Variants in PCNT observed in about 807,000 individuals in gnomAD.
The protein encoded by PCNT is kendrin.
Under a neutral mutation model 380.4 loss-of-function variants are expected in PCNT, and 319 were observed. That is an observed-to-expected ratio of 0.84 (90% CI 0.77 to 0.92). PCNT has a LOEUF of 0.92. Among genes scored for constraint, PCNT ranks in the 40% least tolerant of loss-of-function variants. PCNT has a pLI of 0.00. For synonymous variants in PCNT, 1,845 were observed against 1,735.2 expected (o/e 1.06, Z -1.57); for missense variants, 4,400 against 4,255.3 (o/e 1.03, Z -0.95).
intron 9 of PCNT, among the ~76,000 whole-genome samples, chr21:46,352,879 C>G (rs1311479968): frequency 6.6e-6 from 1 of 152,184 alleles, no homozygotes; most frequent in Non-Finnish European, 1.5e-5. Context: ...TCGAGTGCTG[C>G]TTTTGCTCCC....
rs1172960073 is a variant in PCNT at position 46,355,771 on chromosome 21, CAG to C, written c.1936+148_1936+149del. The C allele has an allele frequency of 6.1e-6, 5 of 826,098 alleles. No homozygotes were observed. The African/African-American group carries it at 6.7e-5, about 11-fold the overall frequency. 51.2% of individuals were successfully genotyped at this position (826,098 alleles called of 1,614,324 possible). On this transcript the variant is annotated intron_variant, in intron 12 of 46. Transcript: ENST00000359568. ...TCTTCTTCTGGGGCTGACACCTCAA[CAG>C]AGTGTGTCCTGATGAGGGTTTGGCG...
rs369064504 is a variant in PCNT at position 46,441,098 on chromosome 21, C to T, written c.9623+14C>T. ...TGCAATATTAAGGTAAATGCCATGA[C>T]GTTCAGTCAGTGCGTTCCGCGTCTG... On this transcript the variant is annotated intron_variant, in intron 43 of 46. Transcript: ENST00000359568. 2.7e-5 allele frequency: 41 copies of T among 1,531,456 alleles called. No individual in the cohort carries two copies. Among genetic ancestry groups the T allele is most frequent in the Admixed American group, 1.5e-4 (9 of 59,910 alleles). 94.9% of individuals were successfully genotyped at this position (1,531,456 alleles called of 1,614,324 possible). A position where few individuals can be genotyped will look rare whatever the true frequency, so the allele number is the denominator to read the frequency against.
chr21:46,427,542 C>A, intron 33 of PCNT, 80 bp from the exon 34 acceptor site: 1 of 1,548,264 alleles, frequency 6.5e-7, no homozygotes, highest in Non-Finnish European at 8.9e-7. Context: ...CATCTCCAAA[C>A]GCAGTCACAC....
At chr21:46,325,633 CGTTT>C (rs1569151776) in intron 1 of PCNT, among the ~76,000 whole-genome samples, 1 of 152,194 alleles carries the variant, frequency 6.6e-6, no homozygotes. Flanking sequence ...GTGTTCCATG[CGTTT>C]GTTTTTGTGG....
At chr21:46,371,729 C>G (rs1185790749) in intron 15 of PCNT, among the ~76,000 whole-genome samples, 3 of 152,218 alleles carry the variant, frequency 2.0e-5, no homozygotes, top group Non-Finnish European at 2.9e-5. Flanking sequence ...ACCCGTGCAC[C>G]TGCCCCATCC....
intron 15 of PCNT, among the ~76,000 whole-genome samples, chr21:46,370,463 C>CCTGCCA (rs202136656): frequency 0.047 from 7,071 of 151,784 alleles, 213 homozygotes; most frequent in Non-Finnish European, 0.063. Flanking sequence ...GTGAGGGGTG[C>CCTGCCA]CTGCCAGCTG....
At chr21:46,409,291 C>T (rs2086712554) in intron 27 of PCNT, among the ~76,000 whole-genome samples, 1 of 150,134 alleles carries the variant, frequency 6.7e-6, no homozygotes, top group Admixed American at 6.7e-5. Context: ...CAGGCTCAAG[C>T]AGTCCTCCTG....
At chr21:46,412,382 G>A (rs1025301540) in intron 28 of PCNT, among the ~76,000 whole-genome samples, 5 of 152,210 alleles carry the variant, frequency 3.3e-5, no homozygotes, top group African/African-American at 1.2e-4. Context: ...AGGAGGGTCC[G>A]CTTAAGCTGC....
At position 46,430,617 on chromosome 21, in the gene PCNT, G is replaced by T; in HGVS notation, c.8024G>T (p.Arg2675Leu). 1.9e-6 allele frequency: 3 copies of T among 1,569,796 alleles called. 1 individual carries two copies. The highest frequency in any genetic ancestry group is 2.3e-5 in the South Asian group (2 of 85,408). ...LQSQLEEEQL[R>L]HLQRESQSAK... Reference sequence around the variant, plus strand: ...AGCCAGCTGGAGGAGGAGCAGCTGCGGCACCTGCAGAGGGAGAGCCAGAGT... The same window carrying T: ...AGCCAGCTGGAGGAGGAGCAGCTGCTGCACCTGCAGAGGGAGAGCCAGAGT... The change falls in exon 37 of 47, where the codon CGG becomes CTG. Residue 2675 changes from arginine to leucine, a missense_variant. Transcript: ENST00000359568.
At chr21:46,444,104 G>A (rs538817568) in intron 45 of PCNT, among the ~76,000 whole-genome samples, 156 bp downstream of exon 45, 4 of 152,360 alleles carry the variant, frequency 2.6e-5, no homozygotes, top group South Asian at 2.1e-4. Context: ...AAGAAGTCCC[G>A]CCCTGTTCTG....
chr21:46,359,480 G>GTTTTGTTTTTTTTTT (rs2084610782), intron 13 of PCNT, among the ~76,000 whole-genome samples: 1 of 65,732 alleles, frequency 1.5e-5, no homozygotes, highest in Non-Finnish European at 3.4e-5. Context: ...AAATACACCT[G>GTTTTGTTTTTTTTTT]TTTTTTTTTT....
intron 29 of PCNT, among the ~76,000 whole-genome samples, chr21:46,415,855 G>T (rs1342478840): frequency 6.6e-6 from 1 of 152,090 alleles, no homozygotes; most frequent in Non-Finnish European, 1.5e-5. Flanking sequence ...CTCAATCACC[G>T]CAGAAATAGG....
Position 46,422,009 on chromosome 21 carries a change from C to T in PCNT, c.7064C>T (p.Ser2355Leu), listed in dbSNP as rs377341970. 27 of 1,613,952 alleles carry T rather than the reference C, an allele frequency of 1.7e-5. No individual in the cohort carries two copies. In the African/African-American group the frequency reaches 2.9e-4, roughly 18 times the overall value. Residue 2355 changes from serine to leucine, a missense_variant, in exon 32 of 47, where the codon TCA (serine) becomes TTA (leucine). Ser to Leu is a moderately radical substitution (Grantham distance 145). Coordinates refer to ENST00000359568, the MANE Select transcript of PCNT (RefSeq NM_006031.6). ...SGFGARLSPG[S>L]GGPEAQTAGP... ...TTTGGAGCAAGACTGAGCCCGGGGT[C>T]AGGAGGCCCTGAGGCTCAAACTGCT... is the stretch of plus-strand genomic sequence containing the variant.
chr21:46,355,173 C>T (rs959261603), intron 11 of PCNT, among the ~76,000 whole-genome samples: 9 of 152,174 alleles, frequency 5.9e-5, no homozygotes, highest in Non-Finnish European at 8.8e-5. Flanking sequence ...GAGGTCTGCC[C>T]GGTCCAGGGC....
At position 46,401,609 on chromosome 21, in the gene PCNT, A is replaced by G. The variant is rs1354332876; in HGVS notation, c.4850A>G (p.Gln1617Arg). Residue 1617 changes from glutamine (Q) to arginine (R), a missense_variant, in exon 26 of 47, where the codon CAG (glutamine) becomes CGG (arginine). Gln to Arg is a conservative substitution (Grantham distance 43). Transcript: ENST00000359568. ...AGCTTGCTTCTGGCGTCCACGTTGC[A>G]GTCTACACTAGATGCAGGCAGATGT... ...MSSLLLASTL[Q>R]STLDAGRCPE... 2 of 1,613,832 alleles carry G rather than the reference A, an allele frequency of 1.2e-6. No individual in the cohort carries two copies. The highest frequency in any genetic ancestry group is 2.2e-5 in the East Asian group (1 of 44,870).
chr21:46,428,107 G>C (rs1001761301), intron 34 of PCNT, among the ~76,000 whole-genome samples: 1 of 152,360 alleles, frequency 6.6e-6, no homozygotes, highest in African/African-American at 2.4e-5. Flanking sequence ...TCTGTGTGCA[G>C]GGCTGGGTGG....
chr21:46,380,998 C>T (rs534252899), intron 15 of PCNT, among the ~76,000 whole-genome samples: 87 of 152,020 alleles, frequency 5.7e-4, no homozygotes, highest in Admixed American at 5.5e-3. Flanking sequence ...GGTAGAAACC[C>T]TATCTCTACT....
chr21:46,367,005 A>C lies in PCNT; in HGVS notation c.3031A>C (p.Ile1011Leu), dbSNP rs1385211275. 6.2e-7 allele frequency: 1 copy of C among 1,614,012 alleles called. No homozygotes were observed. Among genetic ancestry groups the C allele is most frequent in the East Asian group, 2.2e-5 (1 of 44,886 alleles). ...GAAAAAGGACTCTCTTCACCAAACG[A>C]TTTTGACTCAAGAGTTGGAGAAACT... ...LWKKDSLHQTILTQELEKLKR... is the reference protein window; with the variant it reads ...LWKKDSLHQTLLTQELEKLKR... The change falls in exon 15 of 47, where the codon ATT becomes CTT. Residue 1011 changes from isoleucine to leucine, a missense_variant. Physicochemically the swap from Ile to Leu is conservative, Grantham distance 5. Coordinates refer to ENST00000359568, the MANE Select transcript of PCNT (RefSeq NM_006031.6).
At chr21:46,359,861 CT>C (rs879931168) in intron 13 of PCNT, among the ~76,000 whole-genome samples, 61 of 145,300 alleles carry the variant, frequency 4.2e-4, no homozygotes, top group East Asian at 1.8e-3. Context: ...TTCGTTTTAC[CT>C]TTTTTTTTTT....
Sources: allele counts gnomAD v4.1 joint callset (sites outside exome capture counted in the v4.1 genomes callset), GRCh38; gene constraint gnomAD v4.1.1; transcripts MANE v1.5; gene names NCBI Gene and HGNC (gene_info 2026-07-23, HGNC 2026-07-21).